Variants in ARHGEF3 observed in about 807,000 individuals in gnomAD.
The protein encoded by ARHGEF3 is 59.8 kDA protein.
In ARHGEF3, 28 loss-of-function variants were observed where a neutral mutation model predicts 63.2. The ratio of observed to expected loss-of-function variants is 0.44; its 90% confidence interval spans 0.33 to 0.61. The LOEUF (loss-of-function observed/expected upper bound fraction) is 0.61, where lower values mean the gene tolerates loss of function less well. Ranked by LOEUF, ARHGEF3 falls within the 20% of genes least tolerant of loss-of-function variation. The pLI, the probability that ARHGEF3 is intolerant of heterozygous loss-of-function variation, is 0.03. For missense variants in ARHGEF3, 533 were observed against 659.3 expected, an observed-to-expected ratio of 0.81 and a Z score of 2.10; for synonymous variants, 266 against 254.2, an observed-to-expected ratio of 1.05 and a Z score of -0.44.
chr3:56,788,553 A>G (rs980984933), intron 1 of ARHGEF3, among the ~76,000 whole-genome samples: 1 of 152,160 alleles, frequency 6.6e-6, no homozygotes, highest in Non-Finnish European at 1.5e-5. Context: ...CATTTCCAAC[A>G]AAGGATCTAT....
Position 56,869,519 on chromosome 3 carries a change from G to A in ARHGEF3, c.192+12773C>T, listed in dbSNP as rs1000267181. On this transcript the variant is annotated intron_variant, in intron 4 of 12. Coordinates refer to the ARHGEF3 transcript ENST00000338458. Reference sequence around the variant, plus strand: ...AAGTTACCCAAGAATTTCAGTGTCCGTCAAGTAATGTAAAATTCTATGCAT... The same window carrying A: ...AAGTTACCCAAGAATTTCAGTGTCCATCAAGTAATGTAAAATTCTATGCAT... Among the ~76,000 whole-genome samples, 5 of 152,144 alleles carry A rather than the reference G, an allele frequency of 3.3e-5. No homozygotes were observed. The South Asian group carries it at 8.3e-4, about 25-fold the overall frequency.
intron 1 of ARHGEF3, chr3:57,075,382 C>T (rs1366934345): frequency 6.0e-6 from 1 of 167,074 alleles, no homozygotes. Context: ...ATGCCTCGCA[C>T]AGAGTAGCCC....
intron 1 of ARHGEF3, among the ~76,000 whole-genome samples, chr3:56,799,655 T>C (rs1243197257): frequency 6.6e-6 from 1 of 152,258 alleles, no homozygotes; most frequent in Non-Finnish European, 1.5e-5. Context: ...TTTAGTTAAC[T>C]GCTTATGGAG....
At chr3:56,871,630 T>C (rs183506604) in intron 4 of ARHGEF3, among the ~76,000 whole-genome samples, 171 of 152,312 alleles carry the variant, frequency 1.1e-3, no homozygotes, top group Middle Eastern at 3.4e-3. Context: ...CTAACACTAA[T>C]AATCTCACAT....
intron 4 of ARHGEF3, among the ~76,000 whole-genome samples, chr3:56,865,549 A>G (rs2040218920): frequency 6.6e-6 from 1 of 152,228 alleles, no homozygotes; most frequent in Admixed American, 6.5e-5. Context: ...ACCATGTTAA[A>G]AAATATGTTT....
chr3:56,930,169 TA>T (rs2042373881), intron 3 of ARHGEF3, among the ~76,000 whole-genome samples: 1 of 152,148 alleles, frequency 6.6e-6, no homozygotes, highest in Admixed American at 6.6e-5. Context: ...GCATTTTTTT[TA>T]ATGGCTGGAG....
chr3:57,029,679 A>G (rs1386786722), intron 2 of ARHGEF3, among the ~76,000 whole-genome samples: 2 of 152,068 alleles, frequency 1.3e-5, no homozygotes, highest in Non-Finnish European at 2.9e-5. Flanking sequence ...AACAAACCCC[A>G]CTTTTTCCTG....
chr3:56,798,621 G>A (rs1209432919), intron 1 of ARHGEF3, among the ~76,000 whole-genome samples: 2 of 150,226 alleles, frequency 1.3e-5, no homozygotes, highest in Non-Finnish European at 3.0e-5. Context: ...CTTACAATCA[G>A]GATAATTCAT....
rs1382899408 is a variant in ARHGEF3 at position 56,910,703 on chromosome 3, T to C, written c.130-28349A>G. ...AAGAAATACAGTAACTGAAAAATAATAGTACCGGTGGTATGTGGATATGAA... is the reference window on the plus strand; with the variant it reads ...AAGAAATACAGTAACTGAAAAATAACAGTACCGGTGGTATGTGGATATGAA... On this transcript the variant is annotated intron_variant, in intron 3 of 12. Coordinates refer to the ARHGEF3 transcript ENST00000338458. Among the ~76,000 whole-genome samples the C allele has an allele frequency of 2.0e-5, 3 of 152,072 alleles. No individual in the cohort carries two copies. The East Asian group carries it at 5.8e-4, about 29-fold the overall frequency.
chr3:56,775,108 AATC>A, intron 1 of ARHGEF3: 1 of 1,550,242 alleles, frequency 6.5e-7, no homozygotes, highest in Non-Finnish European at 8.7e-7. Context: ...GGCAAACCTC[AATC>A]ATTTCCAGAG....
chr3:57,078,924 A>C (rs1706338041), intron 1 of ARHGEF3: 1 of 283,496 alleles, frequency 3.5e-6, no homozygotes, highest in African/African-American at 2.2e-5. Flanking sequence ...GGTCCCCAGC[A>C]GGAGCGACGG....
intron 1 of ARHGEF3, among the ~76,000 whole-genome samples, chr3:56,785,471 A>G (rs373918373): frequency 6.6e-6 from 1 of 152,172 alleles, no homozygotes; most frequent in Non-Finnish European, 1.5e-5. Flanking sequence ...CCAGATCCCA[A>G]TACTGTCTGG....
intron 3 of ARHGEF3, among the ~76,000 whole-genome samples, chr3:56,941,392 G>A (rs1699177081): frequency 6.6e-6 from 1 of 152,208 alleles, no homozygotes; most frequent in Non-Finnish European, 1.5e-5. Context: ...ATTTTTAGTA[G>A]AGACAGGGTT....
chr3:57,053,970 G>A (rs1704790814), intron 1 of ARHGEF3, among the ~76,000 whole-genome samples: 1 of 152,162 alleles, frequency 6.6e-6, no homozygotes, highest in Non-Finnish European at 1.5e-5. Context: ...GAACATTTGT[G>A]TACAAGTCTT....
At chr3:57,028,248 T>G (rs1402575980) in intron 2 of ARHGEF3, among the ~76,000 whole-genome samples, 5 of 125,788 alleles carry the variant, frequency 4.0e-5, no homozygotes, top group Admixed American at 2.6e-4. Context: ...CACACGTATG[T>G]TTATTGCAGC....
chr3:56,921,627 T>C (rs2042145355), intron 3 of ARHGEF3, among the ~76,000 whole-genome samples: 1 of 152,222 alleles, frequency 6.6e-6, no homozygotes, highest in Admixed American at 6.5e-5. Context: ...TGCTTCACCA[T>C]GAACTCTAGA....
At chr3:56,968,179 A>T (rs1311376915) in intron 2 of ARHGEF3, among the ~76,000 whole-genome samples, 14 of 25,754 alleles carry the variant, frequency 5.4e-4, no homozygotes, top group Admixed American at 4.8e-3. Flanking sequence ...AATATATATA[A>T]AAATATATAT....
chr3:56,975,668 C>G, intron 2 of ARHGEF3: 3 of 278,806 alleles, frequency 1.1e-5, no homozygotes, highest in South Asian at 9.8e-5. Context: ...CCCAGGCAAT[C>G]TGGCTCTAGA....
chr3:56,993,665 G>A (rs1447049403), intron 2 of ARHGEF3, among the ~76,000 whole-genome samples: 4 of 151,426 alleles, frequency 2.6e-5, no homozygotes, highest in African/African-American at 4.8e-5. Flanking sequence ...ATGAGCCACC[G>A]TGCCCAGCCT....
Sources: allele counts gnomAD v4.1 joint callset (sites outside exome capture counted in the v4.1 genomes callset), GRCh38; gene constraint gnomAD v4.1.1; transcripts MANE v1.5; gene names NCBI Gene and HGNC (gene_info 2026-07-23, HGNC 2026-07-21).